The following SLC38A6 variants were observed in gnomAD, a reference collection of about 807,000 sequenced individuals.
SLC38A6 encodes N system amino acid transporter NAT-1.
In SLC38A6, 73 loss-of-function variants were observed where a neutral mutation model predicts 65.0. That is an observed-to-expected ratio of 1.12 (90% CI 0.93 to 1.37). The LOEUF is 1.37. Among genes scored for constraint, SLC38A6 ranks in the 40% most tolerant of loss-of-function variants. The pLI is 0.00. For synonymous variants in SLC38A6, 183 were observed against 178.8 expected (o/e 1.02, Z -0.19); for missense variants, 561 against 531.1 (o/e 1.06, Z -0.55).
chr14:60,994,007 A>G (rs1417323703), intron 3 of SLC38A6, among the ~76,000 whole-genome samples: 2 of 152,206 alleles, frequency 1.3e-5, no homozygotes, highest in African/African-American at 4.8e-5. Flanking sequence ...TGGTACAGCT[A>G]CTTTGGAATA....
At chr14:61,017,748 T>C (rs2040104568) in intron 4 of SLC38A6, among the ~76,000 whole-genome samples, 1 of 152,190 alleles carries the variant, frequency 6.6e-6, no homozygotes, top group Non-Finnish European at 1.5e-5. Context: ...AGTAGTTGTG[T>C]TGTCATTTTA....
chr14:60,982,503 T>TA lies in SLC38A6; in HGVS notation c.106-4dup, dbSNP rs746056021. 3 of 1,605,774 alleles carry TA rather than the reference T, an allele frequency of 1.9e-6. No individual in the cohort carries two copies. The highest frequency in any genetic ancestry group is 1.1e-5 in the South Asian group (1 of 88,466). On this transcript the variant is annotated splice_region_variant and splice_polypyrimidine_tract_variant and intron_variant, in intron 1 of 15. Transcript: ENST00000267488. ...TTTAACACTACTAAATTTGTGTGCT[T>TA]ACAGGAACTTCACAGACAGCGATCC... is the stretch of plus-strand genomic sequence containing the variant.
chr14:61,023,131 AAG>A (rs2040426262), intron 5 of SLC38A6, among the ~76,000 whole-genome samples: 1 of 152,220 alleles, frequency 6.6e-6, no homozygotes, highest in Non-Finnish European at 1.5e-5. Context: ...TTTTGCCTCA[AAG>A]AGACAATTGA....
intron 15 of SLC38A6, among the ~76,000 whole-genome samples, chr14:61,069,554 T>G (rs2043153758): frequency 6.6e-6 from 1 of 152,154 alleles, no homozygotes; most frequent in African/African-American, 2.4e-5. Context: ...CACTTCCAGG[T>G]ACATACCCAG....
chr14:61,013,653 T>A (rs977439976), intron 3 of SLC38A6, among the ~76,000 whole-genome samples: 1 of 152,226 alleles, frequency 6.6e-6, no homozygotes, highest in Non-Finnish European at 1.5e-5. Flanking sequence ...AAGCTTAGTT[T>A]GGCTGGATAT....
chr14:61,069,384 A>G (rs985551562), intron 15 of SLC38A6, among the ~76,000 whole-genome samples: 1 of 151,918 alleles, frequency 6.6e-6, no homozygotes. Flanking sequence ...ATGGCTCGCT[A>G]CTACCCCCAT....
downstream of SLC38A6, among the ~76,000 whole-genome samples, chr14:61,054,250 A>G (rs777530687): frequency 1.3e-5 from 2 of 152,052 alleles, no homozygotes; most frequent in Non-Finnish European, 2.9e-5. Context: ...TTTTTATACC[A>G]CTGTCATGCA....
At chr14:61,063,833 A>G (rs1395203778) in intron 15 of SLC38A6, among the ~76,000 whole-genome samples, 3 of 152,204 alleles carry the variant, frequency 2.0e-5, no homozygotes, top group Non-Finnish European at 4.4e-5. Context: ...CCATGTTCAC[A>G]TCTGTAAAAT....
chr14:61,053,388 C>T (rs943896029), downstream of SLC38A6, among the ~76,000 whole-genome samples: 2 of 151,988 alleles, frequency 1.3e-5, no homozygotes, highest in African/African-American at 4.8e-5. Flanking sequence ...AATTTATGTT[C>T]CTTGGGGTAT....
In SLC38A6 at chr14:61,046,077, A is replaced by T; in HGVS notation, c.835A>T (p.Lys279Ter). ...ATTTTTGTCTTTTAGTCCTTCAAAG[A>T]AAAGAATGCAGAATGTTACCAATAC... ...IYCELQSPSK[K>*]RMQNVTNTAI... is the part of the protein sequence containing the mutation. Residue 279 changes from lysine (K) to a stop codon, truncating the protein, a stop_gained, in exon 12 of 16, where the codon AAA (lysine) becomes TAA (stop). Coordinates refer to ENST00000267488, the MANE Select transcript of SLC38A6 (RefSeq NM_153811.3). LOFTEE classifies it high-confidence loss of function. The T allele has an allele frequency of 6.2e-7, 1 of 1,604,894 alleles. No homozygotes were observed. The highest frequency in any genetic ancestry group is 1.1e-5 in the South Asian group (1 of 89,702).
intron 15 of SLC38A6, among the ~76,000 whole-genome samples, chr14:61,064,825 G>A (rs150971499): frequency 3.9e-5 from 6 of 152,090 alleles, no homozygotes; most frequent in African/African-American, 1.2e-4. Flanking sequence ...AGACTTGTTT[G>A]CTAAATTAAA....
intron 14 of SLC38A6, 52 bp from the exon 15 acceptor site, chr14:61,051,989 C>G: frequency 1.2e-6 from 2 of 1,602,248 alleles, no homozygotes; most frequent in Non-Finnish European, 1.7e-6. Context: ...GCTACCCAGC[C>G]TCACATCTGA....
In SLC38A6 at chr14:60,982,663, A is replaced by G. The variant is rs368129688; in HGVS notation, c.236+25A>G. On this transcript the variant is annotated intron_variant, in intron 2 of 15. Coordinates refer to ENST00000267488, the MANE Select transcript of SLC38A6 (RefSeq NM_153811.3). The stretch of plus-strand genomic sequence containing the variant: ...GGTGAGTCTTCATATTTTAGCATCA[A>G]ATTTTTTTTTCCATTTTGATAATAT... 5.6e-4 allele frequency: 894 copies of G among 1,588,476 alleles called. 1 individual carries two copies. The highest frequency in any genetic ancestry group is 7.1e-4 in the Non-Finnish European group (836 of 1,172,088).
intron 3 of SLC38A6, among the ~76,000 whole-genome samples, chr14:60,999,734 A>G (rs1179245901): frequency 6.6e-6 from 1 of 152,244 alleles, no homozygotes; most frequent in African/African-American, 2.4e-5. Flanking sequence ...TGCAGGCAAC[A>G]TGACCTCTGA....
intron 16 of SLC38A6, among the ~76,000 whole-genome samples, chr14:61,083,294 G>A (rs935721221): frequency 6.6e-6 from 1 of 152,210 alleles, no homozygotes; most frequent in African/African-American, 2.4e-5. Context: ...CTCCCCATGT[G>A]TAGCCATGCT....
chr14:61,000,764 C>T (rs1364869455), intron 3 of SLC38A6, among the ~76,000 whole-genome samples: 2 of 152,288 alleles, frequency 1.3e-5, no homozygotes, highest in African/African-American at 2.4e-5. Context: ...CCCTCAGCAT[C>T]GTTTGGGTAT....
intron 8 of SLC38A6, among the ~76,000 whole-genome samples, chr14:61,038,766 A>G (rs1002460395): frequency 3.9e-5 from 6 of 152,178 alleles, no homozygotes; most frequent in African/African-American, 9.6e-5. Context: ...AATGCTCTTA[A>G]AACTAAAAAC....
intron 3 of SLC38A6, among the ~76,000 whole-genome samples, chr14:61,004,946 C>A (rs1360611423): frequency 6.6e-6 from 1 of 152,076 alleles, no homozygotes; most frequent in Admixed American, 6.5e-5. Context: ...CAATAAAATA[C>A]TGGCAAACTG....
chr14:61,050,558 A>G lies in SLC38A6; in HGVS notation c.972A>G (p.Ser324=). The change falls in exon 13 of 16, where the codon TCA becomes TCG. Residue 324 remains serine (S), a synonymous_variant. Coordinates refer to ENST00000267488, the MANE Select transcript of SLC38A6 (RefSeq NM_153811.3). Reference sequence around the variant, plus strand: ...TAAAAGGTTATAGTAAATACTTATCACATGATGTTGTTGTCATGACTGTGA... The same window carrying G: ...TAAAAGGTTATAGTAAATACTTATCGCATGATGTTGTTGTCATGACTGTGA... The part of the protein sequence containing the change: ...ELLKGYSKYL[S]HDVVVMTVKL... 4 of 1,590,730 alleles carry G rather than the reference A, an allele frequency of 2.5e-6. No individual in the cohort carries two copies. In the South Asian group the frequency reaches 4.5e-5, roughly 18 times the overall value.
Sources: gnomAD v4.1 joint callset for allele counts (sites outside exome capture counted in the v4.1 genomes callset) on GRCh38, gnomAD v4.1.1 for gene constraint, MANE v1.5 for transcripts, NCBI Gene and HGNC (gene_info 2026-07-23, HGNC 2026-07-21) for gene names.